The following MAGI2 variants were observed in gnomAD, a reference collection of about 807,000 sequenced individuals.
The protein encoded by MAGI2 is membrane-associated guanylate kinase, WW and PDZ domain-containing protein 2.
In MAGI2, 35 loss-of-function variants were observed where a neutral mutation model predicts 133.3. The observed-to-expected ratio is 0.26, with a 90% CI of 0.20 to 0.35. The LOEUF is 0.35. MAGI2 is among the 10% of genes least tolerant of loss of function. The pLI, the probability that MAGI2 is intolerant of heterozygous loss-of-function variation, is 1.00. For synonymous variants in MAGI2, 729 were observed against 710.6 expected, an observed-to-expected ratio of 1.03 and a Z score of -0.41; for missense variants, 1,636 against 1,863.4, an observed-to-expected ratio of 0.88 and a Z score of 2.25.
chr7:78,486,743 T>A (rs1793054426), intron 6 of MAGI2: 1 of 418,698 alleles, frequency 2.4e-6, no homozygotes, highest in Non-Finnish European at 4.7e-6. Flanking sequence ...TGTTGGTATA[T>A]CCATGGCCTC....
intron 2 of MAGI2, among the ~76,000 whole-genome samples, chr7:78,705,923 C>T (rs1035472363): frequency 2.0e-5 from 3 of 152,020 alleles, no homozygotes; most frequent in African/African-American, 7.2e-5. Context: ...AAATACACTG[C>T]CAATCACAGC....
intron 6 of MAGI2, among the ~76,000 whole-genome samples, chr7:78,380,522 C>G (rs566539033): frequency 6.6e-6 from 1 of 152,082 alleles, no homozygotes; most frequent in Non-Finnish European, 1.5e-5. Flanking sequence ...ATGTTCTCAC[C>G]CAGCTGTGGG....
chr7:78,530,416 T>G (rs994175647), intron 3 of MAGI2, among the ~76,000 whole-genome samples: 43 of 152,326 alleles, frequency 2.8e-4, no homozygotes, highest in African/African-American at 1.0e-3. Context: ...TATTAAGATA[T>G]AGGATAGAAG....
chr7:78,173,222 A>G (rs987990792), intron 14 of MAGI2, among the ~76,000 whole-genome samples: 3 of 152,220 alleles, frequency 2.0e-5, no homozygotes, highest in Non-Finnish European at 4.4e-5. Flanking sequence ...AGGCAGAAAG[A>G]TGTCCTGAGG....
intron 3 of MAGI2, among the ~76,000 whole-genome samples, chr7:78,609,311 G>A (rs1286634656): frequency 1.3e-5 from 2 of 152,108 alleles, no homozygotes; most frequent in East Asian, 3.9e-4. Context: ...TATCTCCTGA[G>A]ATCATAATCT....
chr7:79,453,369 G>A lies in MAGI2; in HGVS notation c.-49C>T. The A allele has an allele frequency of 6.5e-7, 1 of 1,545,474 alleles. No individual in the cohort carries two copies. Among genetic ancestry groups the A allele is most frequent in the Non-Finnish European group, 8.7e-7 (1 of 1,148,808 alleles). ...TTCCTGGGCTCCTTGGGGTTAGGGGGGCTGGTGGTGAGAGAATGAGGATGG... is the reference window on the plus strand; with the variant it reads ...TTCCTGGGCTCCTTGGGGTTAGGGGAGCTGGTGGTGAGAGAATGAGGATGG... On this transcript the variant is annotated 5_prime_UTR_variant, in exon 1 of 22. Transcript: ENST00000354212.
intron 1 of MAGI2, among the ~76,000 whole-genome samples, chr7:79,336,785 C>A (rs1411308514): frequency 6.6e-6 from 1 of 152,026 alleles, no homozygotes; most frequent in Non-Finnish European, 1.5e-5. Context: ...GGCAGGATCT[C>A]CTTTTTAAAG....
At chr7:78,862,711 C>T (rs1794249562) in intron 2 of MAGI2, among the ~76,000 whole-genome samples, 3 of 152,172 alleles carry the variant, frequency 2.0e-5, no homozygotes, top group African/African-American at 7.2e-5. Flanking sequence ...TCAGTGTTTA[C>T]ATAATCACTT....
intron 3 of MAGI2, among the ~76,000 whole-genome samples, chr7:78,592,828 CTTTTTTTTTTT>C (rs10675572): frequency 6.2e-4 from 66 of 106,828 alleles, no homozygotes; most frequent in Non-Finnish European, 7.6e-4. Flanking sequence ...TACTGATTCT[CTTTTTTTTTTT>C]TTTTTTTTTT....
chr7:79,104,549 C>T (rs969584892), intron 1 of MAGI2, among the ~76,000 whole-genome samples: 1 of 151,988 alleles, frequency 6.6e-6, no homozygotes, highest in African/African-American at 2.4e-5. Flanking sequence ...CGCCTGTAGT[C>T]CCAGCTACTC....
At chr7:78,098,515 G>T (rs1817920976) in intron 20 of MAGI2, among the ~76,000 whole-genome samples, 1 of 151,968 alleles carries the variant, frequency 6.6e-6, no homozygotes, top group Admixed American at 6.6e-5. Flanking sequence ...CGTATATTTA[G>T]AATTTTCCCT....
At position 78,109,191 on chromosome 7, in the gene MAGI2, C is replaced by G. The variant is rs1819049808; in HGVS notation, c.3567+16503G>C. Among the ~76,000 whole-genome samples the G allele has an allele frequency of 3.4e-5, 5 of 148,864 alleles. 1 individual carries two copies. The South Asian group carries it at 1.1e-3, about 32-fold the overall frequency. ...TGGTGGCGGGCGCCTGTAGTCCCAG[C>G]TACTCGGGAGGCTGAGGCAGGAGAA... is the stretch of plus-strand genomic sequence containing the variant. On this transcript the variant is annotated intron_variant, in intron 20 of 21. Coordinates refer to ENST00000354212, the MANE Select transcript of MAGI2 (RefSeq NM_012301.4).
chr7:78,065,787 T>C (rs892540217), intron 21 of MAGI2: 13 of 454,782 alleles, frequency 2.9e-5, no homozygotes, highest in Admixed American at 2.0e-4. Context: ...ATAAAAATTA[T>C]CTAGGCAGTA....
intron 21 of MAGI2, among the ~76,000 whole-genome samples, chr7:78,068,853 T>C (rs1027128851): frequency 5.3e-5 from 8 of 152,208 alleles, no homozygotes; most frequent in Non-Finnish European, 1.0e-4. Flanking sequence ...AGCCGGGCTT[T>C]GTTGTTAAAC....
chr7:78,391,058 G>A (rs1795856500), intron 6 of MAGI2, among the ~76,000 whole-genome samples: 1 of 152,134 alleles, frequency 6.6e-6, no homozygotes, highest in South Asian at 2.1e-4. Flanking sequence ...AAAATGTGGA[G>A]AGCCACATGC....
intron 21 of MAGI2, among the ~76,000 whole-genome samples, chr7:78,059,086 A>G (rs1812957337): frequency 6.6e-6 from 1 of 152,016 alleles, no homozygotes; most frequent in Admixed American, 6.6e-5. Flanking sequence ...TGCATCTCCT[A>G]GGTTATCTTA....
At chr7:78,667,675 A>G (rs929274734) in intron 2 of MAGI2, among the ~76,000 whole-genome samples, 1 of 151,926 alleles carries the variant, frequency 6.6e-6, no homozygotes, top group Non-Finnish European at 1.5e-5. Context: ...TTTACTGAGA[A>G]TGATGATTTC....
chr7:78,269,412 G>A (rs1794342703), intron 9 of MAGI2, among the ~76,000 whole-genome samples: 1 of 152,112 alleles, frequency 6.6e-6, no homozygotes. Context: ...CAGTGTAAAA[G>A]CATTCATGTT....
At chr7:78,491,443 T>A (rs1017827288) in intron 5 of MAGI2, among the ~76,000 whole-genome samples, 2 of 152,120 alleles carry the variant, frequency 1.3e-5, no homozygotes, top group Non-Finnish European at 2.9e-5. Context: ...GACTTTCACA[T>A]GGAATAAAGA....
Sources: gnomAD v4.1 joint callset for allele counts (sites outside exome capture counted in the v4.1 genomes callset) on GRCh38, gnomAD v4.1.1 for gene constraint, MANE v1.5 for transcripts, NCBI Gene and HGNC (gene_info 2026-07-23, HGNC 2026-07-21) for gene names.